Variants in NAF1 observed in about 807,000 individuals in gnomAD.
NAF1 encodes the protein H/ACA ribonucleoprotein complex non-core subunit NAF1.
Under a neutral mutation model 40.6 loss-of-function variants are expected in NAF1, and 11 were observed. That is an observed-to-expected ratio of 0.27 (90% confidence interval 0.17 to 0.45). NAF1 has a LOEUF of 0.45. Ranked by LOEUF, NAF1 falls within the 20% of genes least tolerant of loss-of-function variation. The probability of loss-of-function intolerance (pLI) is 1.00; values close to 1 mark genes in which losing one functional copy is unlikely to be tolerated. For missense variants in NAF1, 607 were observed against 611.1 expected, an observed-to-expected ratio of 0.99 and a Z score of 0.07; for synonymous variants, 260 against 228.5, an observed-to-expected ratio of 1.14 and a Z score of -1.24.
chr4:163,106,922 A>C (rs991478057), downstream of NAF1, among the ~76,000 whole-genome samples: 1 of 152,206 alleles, frequency 6.6e-6, no homozygotes, highest in Non-Finnish European at 1.5e-5. Context: ...ATATTTTCAA[A>C]GAATGATACA....
intron 7 of NAF1, among the ~76,000 whole-genome samples, chr4:163,132,593 G>A (rs1327392550): frequency 6.6e-6 from 1 of 152,176 alleles, no homozygotes; most frequent in African/African-American, 2.4e-5. Context: ...ACGTGGCTGT[G>A]ACTATAAAGA....
intron 4 of NAF1, among the ~76,000 whole-genome samples, chr4:163,140,842 C>A (rs975930198): frequency 2.0e-5 from 3 of 152,060 alleles, no homozygotes; most frequent in African/African-American, 7.2e-5. Context: ...TTGCTGTTTC[C>A]ACAGTGTTAG....
At chr4:163,146,201 G>A (rs1378342046) in intron 3 of NAF1, among the ~76,000 whole-genome samples, 2 of 152,104 alleles carry the variant, frequency 1.3e-5, no homozygotes, top group Non-Finnish European at 1.5e-5. Context: ...GTGTAATCAC[G>A]TTTAGTTGTA....
intron 2 of NAF1, among the ~76,000 whole-genome samples, chr4:163,121,344 G>T (rs1426221311): frequency 6.6e-6 from 1 of 151,934 alleles, no homozygotes; most frequent in Non-Finnish European, 1.5e-5. Flanking sequence ...TTTAGGATTG[G>T]ACTGGGTTAC....
intron 2 of NAF1, among the ~76,000 whole-genome samples, chr4:163,113,478 A>C (rs867925941): frequency 6.6e-6 from 1 of 151,928 alleles, no homozygotes; most frequent in Non-Finnish European, 1.5e-5. Context: ...TGTATCTGGA[A>C]GTTTTGCTCT....
In NAF1 at chr4:163,138,665, T is replaced by G. The variant is rs144647940; in HGVS notation, c.879-1415A>C. Among the ~76,000 whole-genome samples the G allele has an allele frequency of 7.3e-4, 111 of 151,768 alleles. 1 individual carries two copies. In the East Asian group the frequency reaches 0.014, roughly 19 times the overall value. ...CAACAGTTTTCCTGGGAGAGGGAGG[T>G]TTCTGCAATATAGGTCTAATTTCCC... On this transcript the variant is annotated intron_variant, in intron 5 of 7. Transcript: ENST00000274054.
At chr4:163,158,361 G>T (rs970804329) in intron 2 of NAF1, 3 of 151,906 alleles carry the variant, frequency 2.0e-5, no homozygotes, top group South Asian at 2.1e-4. Flanking sequence ...AATGGATTAG[G>T]TCTGTACACT....
downstream of NAF1, among the ~76,000 whole-genome samples, chr4:163,122,964 C>T (rs893436150): frequency 3.3e-5 from 5 of 152,208 alleles, no homozygotes; most frequent in African/African-American, 1.2e-4. Flanking sequence ...TGAAACTGCA[C>T]TCTATTCCAG....
At chr4:163,166,240 G>C in intron 1 of NAF1, 123 bp downstream of exon 1, 1 of 1,239,828 alleles carries the variant, frequency 8.1e-7, no homozygotes, top group Non-Finnish European at 1.1e-6. Flanking sequence ...TGAGCCCGGA[G>C]CACCAACGAC....
At chr4:163,165,077 A>C (rs548736180) in intron 1 of NAF1, among the ~76,000 whole-genome samples, 1 of 152,310 alleles carries the variant, frequency 6.6e-6, no homozygotes, top group Non-Finnish European at 1.5e-5. Context: ...GTCATCATCC[A>C]TGTGAATTAA....
At chr4:163,161,626 A>G (rs1732226600) in intron 2 of NAF1, among the ~76,000 whole-genome samples, 1 of 152,166 alleles carries the variant, frequency 6.6e-6, no homozygotes, top group Non-Finnish European at 1.5e-5. Context: ...CTTAGTTCCC[A>G]GCTGCTTTCG....
At chr4:163,165,155 T>C (rs534644843) in intron 1 of NAF1, among the ~76,000 whole-genome samples, 4 of 152,314 alleles carry the variant, frequency 2.6e-5, no homozygotes, top group South Asian at 2.1e-4. Flanking sequence ...CTGGCCACCT[T>C]TGTACGAATG....
chr4:163,126,614 C>A (rs1440359643), downstream of NAF1: 2 of 158,280 alleles, frequency 1.3e-5, no homozygotes, highest in South Asian at 1.9e-4. Flanking sequence ...GAAATGATAA[C>A]AAAGGACTTA....
At chr4:163,119,716 G>A (rs6818082) in intron 2 of NAF1, 41,145 of 151,948 alleles carry the variant, frequency 0.27, 6,132 homozygotes, top group African/African-American at 0.4. Context: ...AGAAAAATAC[G>A]GAAAGTAATA....
chr4:163,164,601 T>C (rs145555907), intron 1 of NAF1, among the ~76,000 whole-genome samples: 2 of 152,212 alleles, frequency 1.3e-5, no homozygotes, highest in East Asian at 1.9e-4. Flanking sequence ...AAAACTGATA[T>C]GGTATTGGGA....
intron 2 of NAF1, among the ~76,000 whole-genome samples, chr4:163,163,834 G>A (rs1000226785): frequency 3.3e-5 from 5 of 151,446 alleles, no homozygotes; most frequent in Non-Finnish European, 7.4e-5. Flanking sequence ...CTGACGTGCA[G>A]ACCAAAAAAA....
intron 2 of NAF1, among the ~76,000 whole-genome samples, chr4:163,151,312 C>G (rs1485940938): frequency 6.6e-6 from 1 of 151,260 alleles, no homozygotes; most frequent in Non-Finnish European, 1.5e-5. Context: ...TTAGAAAGGT[C>G]CTCCCTATCC....
chr4:163,135,878 G>T (rs1731037094), intron 6 of NAF1: 1 of 152,206 alleles, frequency 6.6e-6, no homozygotes, highest in Non-Finnish European at 1.5e-5. Flanking sequence ...TTTAAAACAT[G>T]TAATTCCAGT....
chr4:163,156,761 A>C (rs1732002410), intron 2 of NAF1, among the ~76,000 whole-genome samples: 1 of 152,164 alleles, frequency 6.6e-6, no homozygotes, highest in Admixed American at 6.5e-5. Context: ...TGAAGTCTTA[A>C]TGCTAACCTG....
Sources: allele counts gnomAD v4.1 joint callset (sites outside exome capture counted in the v4.1 genomes callset), GRCh38; gene constraint gnomAD v4.1.1; transcripts MANE v1.5; gene names NCBI Gene and HGNC (gene_info 2026-07-23, HGNC 2026-07-21).